The following DPP6 variants were observed in gnomAD, a reference collection of about 807,000 sequenced individuals.
The protein encoded by DPP6 is A-type potassium channel modulatory protein DPP6.
DPP6 carries 69 observed loss-of-function variants against 122.6 expected under a neutral mutation model. The observed-to-expected ratio is 0.56, with a 90% CI of 0.46 to 0.69. The LOEUF (loss-of-function observed/expected upper bound fraction) is 0.69, where lower values mean the gene tolerates loss of function less well. Among genes scored for constraint, DPP6 ranks in the 30% least tolerant of loss-of-function variants. The pLI is 0.00. For missense variants in DPP6, 928 were observed against 1,116.9 expected (o/e 0.83, Z 2.41); for synonymous variants, 418 against 433.1 (o/e 0.97, Z 0.43).
intron 1 of DPP6, among the ~76,000 whole-genome samples, chr7:154,299,855 G>A (rs915313869): frequency 2.6e-5 from 4 of 152,230 alleles, no homozygotes; most frequent in Non-Finnish European, 4.4e-5. Context: ...CAAGGTGAGT[G>A]TAAATCAGAA....
At chr7:154,054,700 G>A (rs1265953650) in intron 1 of DPP6, among the ~76,000 whole-genome samples, 1 of 151,146 alleles carries the variant, frequency 6.6e-6, no homozygotes, top group Non-Finnish European at 1.5e-5. Flanking sequence ...AAGAGTTCTG[G>A]AGGATTAAAC....
chr7:153,827,633 A>G, the DPP6 span, among the ~76,000 whole-genome samples: 2 of 152,110 alleles, frequency 1.3e-5, no homozygotes, highest in Admixed American at 1.3e-4. Context: ...GGAATGGGCA[A>G]TCTAAGACAG....
chr7:153,815,121 G>A, the DPP6 span, among the ~76,000 whole-genome samples: 1 of 152,144 alleles, frequency 6.6e-6, no homozygotes, highest in Non-Finnish European at 1.5e-5. Context: ...CAATTAGGCA[G>A]GAGAAGGAAA....
In DPP6 at chr7:154,336,850, C is replaced by G. The variant is rs182094780; in HGVS notation, c.244-109364C>G. 6.6e-4 allele frequency among the ~76,000 whole-genome samples: 100 copies of G among 152,180 alleles called. 1 individual carries two copies. In the East Asian group the frequency reaches 0.016, roughly 24 times the overall value. On this transcript the variant is annotated intron_variant, in intron 1 of 25. Coordinates refer to ENST00000377770, the MANE Select transcript of DPP6 (RefSeq NM_130797.4). ...CAGGCTCCATGCAGAGCAGGATCCC[C>G]CGTGGAGCCTACACAGCCTTGCACA...
At chr7:154,820,476 T>G (rs780874275) in intron 16 of DPP6, among the ~76,000 whole-genome samples, 2 of 152,236 alleles carry the variant, frequency 1.3e-5, no homozygotes, top group Non-Finnish European at 2.9e-5. Context: ...AATACCCCAG[T>G]TGCCCCCAAA....
intron 1 of DPP6, among the ~76,000 whole-genome samples, chr7:154,159,772 C>T (rs1267126819): frequency 3.3e-5 from 5 of 152,224 alleles, no homozygotes; most frequent in African/African-American, 7.2e-5. Flanking sequence ...CTGATCTTCC[C>T]AACAGCACTA....
At chr7:154,485,040 C>A (rs1192789401) in intron 3 of DPP6, among the ~76,000 whole-genome samples, 1 of 151,906 alleles carries the variant, frequency 6.6e-6, no homozygotes, top group Admixed American at 6.6e-5. Flanking sequence ...ATTTCCACTG[C>A]TTTTTGGAGG....
At chr7:153,967,848 A>C (rs1795836118) in intron 1 of DPP6, among the ~76,000 whole-genome samples, 1 of 151,978 alleles carries the variant, frequency 6.6e-6, no homozygotes, top group Admixed American at 6.5e-5. Context: ...GACTCTGAGA[A>C]AAACAGCTGA....
chr7:153,939,534 G>A (rs1419592376), intron 1 of DPP6, among the ~76,000 whole-genome samples: 1 of 152,076 alleles, frequency 6.6e-6, no homozygotes, highest in African/African-American at 2.4e-5. Flanking sequence ...GCACTGTGAG[G>A]AGTCTGAAAA....
intron 1 of DPP6, among the ~76,000 whole-genome samples, chr7:154,139,844 C>T (rs1563239506): frequency 1.3e-5 from 2 of 152,200 alleles, no homozygotes; most frequent in Non-Finnish European, 2.9e-5. Flanking sequence ...TTTCTTCCCT[C>T]CAGCAACACA....
chr7:154,838,501 C>T (rs1168485398), intron 16 of DPP6: 3 of 152,204 alleles, frequency 2.0e-5, no homozygotes, highest in African/African-American at 4.8e-5. Context: ...CAAATTGCAC[C>T]AAGAGCCACC....
At chr7:154,311,364 C>T (rs986100908) in intron 1 of DPP6, among the ~76,000 whole-genome samples, 21 of 151,986 alleles carry the variant, frequency 1.4e-4, no homozygotes, top group African/African-American at 3.6e-4. Context: ...GTGGTGGTGG[C>T]GCATGCCTGT....
At chr7:154,078,374 A>G (rs1406011470) in intron 1 of DPP6, among the ~76,000 whole-genome samples, 1 of 151,990 alleles carries the variant, frequency 6.6e-6, no homozygotes, top group Non-Finnish European at 1.5e-5. Flanking sequence ...ACACACACAC[A>G]CACACACACA....
At chr7:153,964,188 G>T (rs1424123885) in intron 1 of DPP6, among the ~76,000 whole-genome samples, 1 of 151,976 alleles carries the variant, frequency 6.6e-6, no homozygotes, top group African/African-American at 2.4e-5. Flanking sequence ...TACAGACGGG[G>T]TTTCACCATG....
intron 1 of DPP6, among the ~76,000 whole-genome samples, chr7:154,041,643 G>C (rs944499953): frequency 6.6e-6 from 1 of 152,188 alleles, no homozygotes; most frequent in Non-Finnish European, 1.5e-5. Context: ...AAGCCCGGGG[G>C]ATTTTATCTG....
rs780038583 is a variant in DPP6 at position 154,601,206 on chromosome 7, A to G, written c.627+34290A>G. Among the ~76,000 whole-genome samples, 17 of 121,664 alleles carry G rather than the reference A, an allele frequency of 1.4e-4. 7 individuals carry two copies. Among genetic ancestry groups the G allele is most frequent in the Non-Finnish European group, 2.8e-4 (15 of 53,776 alleles). The allele number at this position is 121,664 out of a possible 152,430, so 79.8% of individuals were successfully genotyped here. Reference sequence around the variant, plus strand: ...GTATGTATGCTGATGCACTTGGATGACCTGTTGTAAAGTATGTCAATTAGG... The same window carrying G: ...GTATGTATGCTGATGCACTTGGATGGCCTGTTGTAAAGTATGTCAATTAGG... On this transcript the variant is annotated intron_variant, in intron 5 of 25. Transcript: ENST00000377770.
chr7:154,800,575 C>T (rs1414472327), intron 12 of DPP6, among the ~76,000 whole-genome samples: 1 of 152,198 alleles, frequency 6.6e-6, no homozygotes, highest in African/African-American at 2.4e-5. Flanking sequence ...TGTCCGGGGA[C>T]CAGGCAGAGA....
At chr7:154,745,173 G>A (rs1842979350) in intron 8 of DPP6, among the ~76,000 whole-genome samples, 1 of 152,204 alleles carries the variant, frequency 6.6e-6, no homozygotes, top group African/African-American at 2.4e-5. Flanking sequence ...AGACTCACCA[G>A]GATCTGCCCT....
At chr7:154,793,361 G>T (rs1318418478) in intron 10 of DPP6, among the ~76,000 whole-genome samples, 3 of 152,080 alleles carry the variant, frequency 2.0e-5, no homozygotes, top group African/African-American at 7.2e-5. Flanking sequence ...TCTGGTTTTT[G>T]GAGGGCTCTG....
Sources: gnomAD v4.1 joint callset for allele counts (sites outside exome capture counted in the v4.1 genomes callset) on GRCh38, gnomAD v4.1.1 for gene constraint, MANE v1.5 for transcripts, NCBI Gene and HGNC (gene_info 2026-07-23, HGNC 2026-07-21) for gene names.